Variants in DNAH5 observed in about 807,000 individuals in gnomAD.
DNAH5 encodes dynein axonemal heavy chain 5, also known as axonemal beta dynein heavy chain 5.
In DNAH5, 372 loss-of-function variants were observed where a neutral mutation model predicts 518.2. That is an observed-to-expected ratio of 0.72 (90% CI 0.66 to 0.78). DNAH5 has a LOEUF of 0.78. Ranked by LOEUF, DNAH5 falls within the 30% of genes least tolerant of loss-of-function variation. The pLI is 0.00. For missense variants in DNAH5, 5,523 were observed against 5,687.0 expected, an observed-to-expected ratio of 0.97 and a Z score of 0.93; for synonymous variants, 2,039 against 2,025.9, an observed-to-expected ratio of 1.01 and a Z score of -0.17.
chr5:13,925,384 A>C (rs547067753), intron 3 of DNAH5, among the ~76,000 whole-genome samples: 3 of 152,154 alleles, frequency 2.0e-5, no homozygotes, highest in African/African-American at 7.2e-5. Flanking sequence ...GTGTAGACTA[A>C]GGAAGGATTT....
intron 17 of DNAH5, among the ~76,000 whole-genome samples, chr5:13,889,903 G>A (rs1488203037): frequency 6.6e-6 from 1 of 152,026 alleles, no homozygotes; most frequent in African/African-American, 2.4e-5. Context: ...CTCCTAGTGG[G>A]GGTGGTCTTG....
chr5:13,765,823 G>C lies in DNAH5; in HGVS notation c.10101+153C>G, dbSNP rs184873610. Among the ~76,000 whole-genome samples, 645 of 152,164 alleles carry C rather than the reference G, an allele frequency of 4.2e-3. 3 individuals carry two copies. Among genetic ancestry groups the C allele is most frequent in the African/African-American group, 0.015 (619 of 41,524 alleles). On this transcript the variant is annotated intron_variant, in intron 59 of 78. Transcript: ENST00000265104. ...AAAATCTGTCAGGAAAAACTCTAAT[G>C]CTTATAATGTTTTATATTTGAGACA...
chr5:13,759,047 G>C lies in DNAH5; in HGVS notation c.10282-64C>G, dbSNP rs1351050582. On this transcript the variant is annotated intron_variant, in intron 60 of 78. Coordinates refer to ENST00000265104, the MANE Select transcript of DNAH5 (RefSeq NM_001369.3). ...AACCTCAAAACATCCTGCATTTCAG[G>C]GTCTGAGAACTCAGCTAACGTCACA... 5 of 1,600,814 alleles carry C rather than the reference G, an allele frequency of 3.1e-6. No individual in the cohort carries two copies. In the East Asian group the frequency reaches 8.9e-5, roughly 29 times the overall value.
At chr5:13,784,516 T>G (rs554858279) in intron 52 of DNAH5, among the ~76,000 whole-genome samples, 2 of 152,276 alleles carry the variant, frequency 1.3e-5, no homozygotes, top group Admixed American at 1.3e-4. Context: ...TCTCTCTGAC[T>G]TACTCCAGCC....
chr5:13,776,094 A>G (rs962553318), intron 55 of DNAH5, among the ~76,000 whole-genome samples: 2 of 152,288 alleles, frequency 1.3e-5, no homozygotes, highest in African/African-American at 4.8e-5. Context: ...ATCAGAAAGA[A>G]GCAGAAGCAG....
intron 1 of DNAH5, among the ~76,000 whole-genome samples, chr5:14,003,124 T>C (rs1784476470): frequency 6.6e-6 from 1 of 152,234 alleles, no homozygotes; most frequent in Non-Finnish European, 1.5e-5. Flanking sequence ...ATCATTCTCA[T>C]TGTCCTTTTT....
chr5:13,874,680 G>C (rs906412911), intron 22 of DNAH5, among the ~76,000 whole-genome samples: 1 of 152,128 alleles, frequency 6.6e-6, no homozygotes, highest in Admixed American at 6.6e-5. Context: ...ACCATGCCTA[G>C]CTAATTTTTG....
At chr5:13,785,294 G>A (rs1410195941) in intron 52 of DNAH5, among the ~76,000 whole-genome samples, 9 of 151,952 alleles carry the variant, frequency 5.9e-5, no homozygotes. Flanking sequence ...ACTTGGCTTT[G>A]CATGTTCACC....
intron 1 of DNAH5, among the ~76,000 whole-genome samples, chr5:14,009,092 A>G (rs1389142987): frequency 6.6e-6 from 1 of 152,242 alleles, no homozygotes; most frequent in East Asian, 1.9e-4. Flanking sequence ...TTTATTCATA[A>G]ACAAAGTAAT....
At position 13,786,296 on chromosome 5, in the gene DNAH5, T is replaced by C. The variant is rs1452715362; in HGVS notation, c.8703A>G (p.Glu2901=). Residue 2901 remains glutamate, a synonymous_variant, in exon 52 of 79, where the codon GAA becomes GAG. Transcript: ENST00000265104. The part of the protein sequence containing the change: ...AETPKIYEPI[E]SFSHLKERLN... ...GACGCTCTTTTAGGTGACTAAAAGA[T>C]TCAATTGGCTCATAAATTTTAGGTG... The C allele has an allele frequency of 1.9e-6, 3 of 1,613,922 alleles. No individual in the cohort carries two copies. Among genetic ancestry groups the C allele is most frequent in the Admixed American group, 1.7e-5 (1 of 59,968 alleles).
chr5:13,976,687 G>GTA (rs1231927910), intron 1 of DNAH5, among the ~76,000 whole-genome samples: 497 of 121,310 alleles, frequency 4.1e-3, no homozygotes, highest in Non-Finnish European at 4.8e-3. Context: ...ATGTGTGTGT[G>GTA]TGTATATATA....
chr5:13,845,106 G>C (rs973538548), intron 31 of DNAH5, 113 bp from the exon 32 acceptor site: 1 of 1,017,748 alleles, frequency 9.8e-7, no homozygotes, highest in Non-Finnish European at 1.5e-6. Context: ...GTGACAATCT[G>C]ATTTTCCTAC....
chr5:13,890,969 T>C lies in DNAH5; in HGVS notation c.2577+7A>G, dbSNP rs376263162. The C allele has an allele frequency of 1.9e-6, 3 of 1,613,942 alleles. No homozygotes were observed. Among genetic ancestry groups the C allele is most frequent in the Non-Finnish European group, 2.5e-6 (3 of 1,179,978 alleles). On this transcript the variant is annotated splice_region_variant and intron_variant, in intron 17 of 78. Transcript: ENST00000265104. ...CCTTAAACAAAAAAAATCAAGGTTTTAATGACCTTTGTCATTTGGAGAAAC... is the reference window on the plus strand; with the variant it reads ...CCTTAAACAAAAAAAATCAAGGTTTCAATGACCTTTGTCATTTGGAGAAAC...
chr5:13,828,085 T>C (rs1301390036), intron 38 of DNAH5, among the ~76,000 whole-genome samples: 1 of 152,128 alleles, frequency 6.6e-6, no homozygotes, highest in Non-Finnish European at 1.5e-5. Context: ...TAAGAATGAG[T>C]GAGTAAGGGC....
At chr5:13,865,428 C>T (rs1429586897) in intron 27 of DNAH5, among the ~76,000 whole-genome samples, 1 of 152,212 alleles carries the variant, frequency 6.6e-6, no homozygotes, top group African/African-American at 2.4e-5. Context: ...TCAGCTCCCA[C>T]CAAGCTGCAG....
intron 78 of DNAH5, among the ~76,000 whole-genome samples, chr5:13,699,861 C>A (rs959093989): frequency 1.4e-4 from 21 of 152,156 alleles, no homozygotes; most frequent in African/African-American, 4.8e-4. Context: ...CTAAGACGAA[C>A]AGGGAATTCC....
rs1261126313 is a variant in DNAH5 at position 13,738,661 on chromosome 5, G to A, written c.11212-1166C>T. 2.0e-5 allele frequency among the ~76,000 whole-genome samples: 3 copies of A among 152,230 alleles called. No homozygotes were observed. In the South Asian group the frequency reaches 6.2e-4, roughly 32 times the overall value. ...AAGGACAGAAAAGATGGAGGTGGTG[G>A]CAGGGGTGGGAGAAGGAGAAATACG... On this transcript the variant is annotated intron_variant, in intron 65 of 78. Transcript: ENST00000265104.
In DNAH5 at chr5:13,916,468, AC is replaced by A; in HGVS notation, c.1090-14del. The A allele has an allele frequency of 7.0e-7, 1 of 1,435,604 alleles. No individual in the cohort carries two copies. The highest frequency in any genetic ancestry group is 9.8e-7 in the Non-Finnish European group (1 of 1,021,482). 88.9% of individuals were successfully genotyped at this position (1,435,604 alleles called of 1,614,324 possible). A position where few individuals can be genotyped will look rare whatever the true frequency, so the allele number is the denominator to read the frequency against. The stretch of plus-strand genomic sequence containing the variant: ...CCATCATGGATAGCTGAAAGATATC[AC>A]CAAAGTTTTCAGAAAAAATCATCAA... On this transcript the variant is annotated splice_polypyrimidine_tract_variant and intron_variant, in intron 8 of 78. Coordinates refer to ENST00000265104, the MANE Select transcript of DNAH5 (RefSeq NM_001369.3).
At chr5:13,817,779 T>G (rs1761648124) in intron 41 of DNAH5, 85 bp from the exon 42 acceptor site, 1 of 1,259,552 alleles carries the variant, frequency 7.9e-7, no homozygotes, top group African/African-American at 1.5e-5. Flanking sequence ...TGTGGTGTAC[T>G]GTCAGCAGGT....
Sources: gnomAD v4.1 joint callset for allele counts (sites outside exome capture counted in the v4.1 genomes callset) on GRCh38, gnomAD v4.1.1 for gene constraint, MANE v1.5 for transcripts, NCBI Gene and HGNC (gene_info 2026-07-23, HGNC 2026-07-21) for gene names.